Variants in VSTM4 observed in about 807,000 individuals in gnomAD.
VSTM4 encodes the protein V-set and transmembrane domain containing 4, also known as V-set and transmembrane domain-containing protein 4.
VSTM4 carries 20 observed loss-of-function variants against 36.4 expected under a neutral mutation model. That is an observed-to-expected ratio of 0.55 (90% CI 0.39 to 0.80). The LOEUF is 0.80. Among genes scored for constraint, VSTM4 ranks in the 30% least tolerant of loss-of-function variants. VSTM4 has a pLI of 0.00. For missense variants in VSTM4, 392 were observed against 404.5 expected (o/e 0.97, Z 0.26); for synonymous variants, 182 against 173.9 (o/e 1.05, Z -0.37).
In VSTM4 at chr10:49,014,358, G is replaced by A. The variant is rs956152975; in HGVS notation, c.*5292C>T. On this transcript the variant is annotated 3_prime_UTR_variant, in exon 8 of 8. Coordinates refer to ENST00000332853, the MANE Select transcript of VSTM4 (RefSeq NM_001031746.5). Reference sequence around the variant, plus strand: ...GCAGTACATTAACATTTAACAATCAGACACTAAATTGGAGTGACGCTAATA... The same window carrying A: ...GCAGTACATTAACATTTAACAATCAAACACTAAATTGGAGTGACGCTAATA... 3.3e-5 allele frequency: 5 copies of A among 152,208 alleles called. No individual in the cohort carries two copies. Among genetic ancestry groups the A allele is most frequent in the Non-Finnish European group, 7.3e-5 (5 of 68,048 alleles). The allele number at this position is 152,208 out of a possible 1,614,324, so 9.4% of individuals were successfully genotyped here. A position where few individuals can be genotyped will look rare whatever the true frequency, so the allele number is the denominator to read the frequency against.
At chr10:49,100,379 T>C (rs1214699427) in intron 2 of VSTM4, among the ~76,000 whole-genome samples, 2 of 152,232 alleles carry the variant, frequency 1.3e-5, no homozygotes, top group Non-Finnish European at 2.9e-5. Flanking sequence ...TCTGAAATAA[T>C]AAGTTAACTC....
chr10:49,072,470 TG>T (rs1272352205), intron 4 of VSTM4, among the ~76,000 whole-genome samples: 2 of 152,194 alleles, frequency 1.3e-5, no homozygotes, highest in Non-Finnish European at 2.9e-5. Context: ...GTTCCTTGCT[TG>T]CTTGGCCTCC....
intron 7 of VSTM4, among the ~76,000 whole-genome samples, chr10:49,040,042 G>A (rs906288392): frequency 6.6e-6 from 1 of 152,166 alleles, no homozygotes; most frequent in African/African-American, 2.4e-5. Context: ...AGGCTTCAAG[G>A]GATGCTTGGG....
intron 7 of VSTM4, among the ~76,000 whole-genome samples, chr10:49,023,948 C>T (rs527593946): frequency 2.0e-5 from 3 of 152,256 alleles, no homozygotes; most frequent in South Asian, 4.1e-4. Flanking sequence ...GCCTCAGACC[C>T]GGACCGAGTT....
intron 2 of VSTM4, among the ~76,000 whole-genome samples, chr10:49,091,930 G>A (rs1274836450): frequency 2.0e-5 from 3 of 152,204 alleles, no homozygotes; most frequent in Non-Finnish European, 2.9e-5. Flanking sequence ...CTTCCAGAAC[G>A]CAGGATTCGA....
chr10:49,105,117 GAGAT>G (rs1229355267), intron 2 of VSTM4, among the ~76,000 whole-genome samples: 1 of 151,004 alleles, frequency 6.6e-6, no homozygotes, highest in African/African-American at 2.4e-5. Context: ...GAGACAGAGA[GAGAT>G]GGAAAGACAG....
chr10:49,110,780 G>C (rs1321845128), intron 1 of VSTM4, among the ~76,000 whole-genome samples: 1 of 152,150 alleles, frequency 6.6e-6, no homozygotes, highest in Admixed American at 6.5e-5. Context: ...GGCCTCAGGA[G>C]AAACCAACCC....
In VSTM4 at chr10:49,014,367, T is replaced by A. The variant is rs117914054; in HGVS notation, c.*5283A>T. 2.0e-5 allele frequency: 3 copies of A among 152,272 alleles called. No homozygotes were observed. Among genetic ancestry groups the A allele is most frequent in the Non-Finnish European group, 4.4e-5 (3 of 68,024 alleles). The allele number at this position is 152,272 out of a possible 1,614,324, so 9.4% of individuals were successfully genotyped here. ...TAACATTTAACAATCAGACACTAAATTGGAGTGACGCTAATAGCATTGTGT... is the reference window on the plus strand; with the variant it reads ...TAACATTTAACAATCAGACACTAAAATGGAGTGACGCTAATAGCATTGTGT... On this transcript the variant is annotated 3_prime_UTR_variant, in exon 8 of 8. Coordinates refer to ENST00000332853, the MANE Select transcript of VSTM4 (RefSeq NM_001031746.5).
chr10:49,103,664 CAG>C, intron 2 of VSTM4: 1 of 1,569,826 alleles, frequency 6.4e-7, no homozygotes, highest in East Asian at 2.2e-5. Context: ...GTGTTCATGA[CAG>C]GGAAATGAGG....
chr10:49,080,451 G>T (rs1437898570), intron 3 of VSTM4, among the ~76,000 whole-genome samples: 1 of 152,252 alleles, frequency 6.6e-6, no homozygotes, highest in Non-Finnish European at 1.5e-5. Context: ...ATCTTCCTGT[G>T]TTCTTAAGGC....
chr10:49,073,049 T>C, intron 4 of VSTM4, among the ~76,000 whole-genome samples: 1 of 152,196 alleles, frequency 6.6e-6, no homozygotes, highest in East Asian at 1.9e-4. Flanking sequence ...AGGAAGGAAG[T>C]CTTGACCACC....
At chr10:49,034,198 ATCACCAT>A (rs1300112065) in intron 7 of VSTM4, among the ~76,000 whole-genome samples, 2 of 20,448 alleles carry the variant, frequency 9.8e-5, no homozygotes, top group Non-Finnish European at 6.8e-4. Context: ...CACCACCATC[ATCACCAT>A]CATCACCATC....
intron 4 of VSTM4, among the ~76,000 whole-genome samples, chr10:49,065,422 T>C (rs1386543469): frequency 1.3e-5 from 2 of 152,234 alleles, no homozygotes; most frequent in African/African-American, 2.4e-5. Flanking sequence ...CACACCCATG[T>C]GTACCCCCTC....
chr10:49,056,316 G>C (rs1843778085), intron 5 of VSTM4, among the ~76,000 whole-genome samples: 1 of 152,250 alleles, frequency 6.6e-6, no homozygotes, highest in African/African-American at 2.4e-5. Context: ...ACACTAGCTG[G>C]TGAGATCAGG....
chr10:49,082,400 A>T (rs112003723), intron 3 of VSTM4, among the ~76,000 whole-genome samples: 2,067 of 152,378 alleles, frequency 0.014, 43 homozygotes, highest in African/African-American at 0.042. Flanking sequence ...ATGGTGGCTC[A>T]TGCCTGTAAT....
intron 7 of VSTM4, among the ~76,000 whole-genome samples, chr10:49,033,761 A>T (rs1339684493): frequency 6.6e-6 from 1 of 152,170 alleles, no homozygotes; most frequent in Non-Finnish European, 1.5e-5. Context: ...CCTCTAACTC[A>T]TCTGTGAAAT....
chr10:49,078,242 T>C (rs1844214916), intron 3 of VSTM4, among the ~76,000 whole-genome samples: 1 of 152,180 alleles, frequency 6.6e-6, no homozygotes, highest in Non-Finnish European at 1.5e-5. Context: ...CACTCTAGAA[T>C]AGAGCTTTAC....
intron 7 of VSTM4, among the ~76,000 whole-genome samples, chr10:49,031,888 C>T (rs1843350648): frequency 1.3e-5 from 2 of 152,144 alleles, no homozygotes; most frequent in South Asian, 4.1e-4. Context: ...GGACACACCC[C>T]ATATGGCACT....
At chr10:49,070,252 CAAAAAAAAAA>C (rs780515012) in intron 4 of VSTM4, among the ~76,000 whole-genome samples, 3 of 21,726 alleles carry the variant, frequency 1.4e-4, no homozygotes, top group East Asian at 1.0e-3. Context: ...GACTCCGTCT[CAAAAAAAAAA>C]AAAAAAAAAA....
Sources: gnomAD v4.1 joint callset for allele counts (sites outside exome capture counted in the v4.1 genomes callset) on GRCh38, gnomAD v4.1.1 for gene constraint, MANE v1.5 for transcripts, NCBI Gene and HGNC (gene_info 2026-07-23, HGNC 2026-07-21) for gene names.